Variants in PCDHGA4 observed in about 807,000 individuals in gnomAD.
The protein encoded by PCDHGA4 is protocadherin gamma-A4.
Under a neutral mutation model 54.6 loss-of-function variants are expected in PCDHGA4, and 38 were observed. The observed-to-expected ratio is 0.70, with a 90% confidence interval of 0.54 to 0.91. The LOEUF is 0.91. PCDHGA4 is among the 40% of genes least tolerant of loss of function. The probability of loss-of-function intolerance (pLI) is 0.00; values close to 1 mark genes in which losing one functional copy is unlikely to be tolerated. For missense variants in PCDHGA4, 1,298 were observed against 1,220.9 expected (o/e 1.06, Z -0.94); for synonymous variants, 511 against 512.9 (o/e 1.00, Z 0.05).
chr5:141,370,314 T>A, intron 1 of PCDHGA4: 4 of 1,280,798 alleles, frequency 3.1e-6, no homozygotes, highest in Non-Finnish European at 4.3e-6. Context: ...AGCAAATAGT[T>A]GGTCCTGCTC....
intron 1 of PCDHGA4, chr5:141,416,678 G>T (rs2096051953): frequency 6.6e-6 from 1 of 151,990 alleles, no homozygotes; most frequent in Non-Finnish European, 1.5e-5. Flanking sequence ...TGCAACGAAG[G>T]GAAATTATAT....
chr5:141,435,519 T>C (rs2097768121), intron 1 of PCDHGA4, among the ~76,000 whole-genome samples: 2 of 152,192 alleles, frequency 1.3e-5, no homozygotes, highest in South Asian at 4.1e-4. Context: ...ATGATGACTT[T>C]GTGGAATATT....
rs58019021 is a variant in PCDHGA4, at chr5:141,500,184, T to TTTTATTTATTTA, written c.2574-5178_2574-5167dup. Among the ~76,000 whole-genome samples, 232 of 135,962 alleles carry TTTTATTTATTTA rather than the reference T, an allele frequency of 1.7e-3. 1 individual carries two copies. The highest frequency in any genetic ancestry group is 6.4e-3 in the South Asian group (27 of 4,202). The allele number at this position is 135,962 out of a possible 152,430, so 89.2% of individuals were successfully genotyped here. A position where few individuals can be genotyped will look rare whatever the true frequency, so the allele number is the denominator to read the frequency against. The stretch of plus-strand genomic sequence containing the variant: ...GAACATGCATGAGCTTCATTTTTAT[T>TTTTATTTATTTA]TTTATTTATTTATTTATTTATTTAT... On this transcript the variant is annotated intron_variant, in intron 2 of 3. Transcript: ENST00000571252.
intron 1 of PCDHGA4, chr5:141,390,163 C>A: frequency 1.2e-6 from 2 of 1,613,992 alleles, no homozygotes; most frequent in South Asian, 1.1e-5. Flanking sequence ...ACAGGAAAGA[C>A]GGAGTTTAAT....
At chr5:141,360,906 G>A in intron 1 of PCDHGA4, 4 of 1,614,012 alleles carry the variant, frequency 2.5e-6, no homozygotes, top group South Asian at 1.1e-5. Context: ...ACGTGCCGCC[G>A]GGCTTCTTTG....
At chr5:141,365,565 G>C (rs140294664) in intron 1 of PCDHGA4, 1 of 1,613,720 alleles carries the variant, frequency 6.2e-7, no homozygotes, top group Non-Finnish European at 8.5e-7. Flanking sequence ...GACCTGGACA[G>C]AGAAGAGACT....
rs755429700 is a variant in PCDHGA4, at chr5:141,375,609, C to G, written c.2514+17988C>G. ...CTGTCCTCCTACGTGTCCATCAACT[C>G]CGACACTGGGATTCTGTACGCCCTG... On this transcript the variant is annotated intron_variant, in intron 1 of 3. Coordinates refer to ENST00000571252, the MANE Select transcript of PCDHGA4 (RefSeq NM_018917.4). 9.9e-6 allele frequency: 16 copies of G among 1,614,108 alleles called. No homozygotes were observed. The African/African-American group carries it at 2.1e-4, about 22-fold the overall frequency.
chr5:141,393,261 G>A lies in PCDHGA4; in HGVS notation c.2514+35640G>A, dbSNP rs567943150. 16 of 1,613,898 alleles carry A rather than the reference G, an allele frequency of 9.9e-6. 1 individual carries two copies. Among genetic ancestry groups the A allele is most frequent in the South Asian group, 1.1e-5 (1 of 91,090 alleles). ...AATTAACGAAATCGCGGTTCCTGGAGCACGTTATCCACTCCCAGAAGCTGT... is the reference window on the plus strand; with the variant it reads ...AATTAACGAAATCGCGGTTCCTGGAACACGTTATCCACTCCCAGAAGCTGT... On this transcript the variant is annotated intron_variant, in intron 1 of 3. Transcript: ENST00000571252.
chr5:141,372,118 T>C (rs937548053), intron 1 of PCDHGA4: 3 of 1,613,628 alleles, frequency 1.9e-6, no homozygotes, highest in Non-Finnish European at 2.5e-6. Context: ...TCTGCGCTCT[T>C]CGATATGGTG....
In PCDHGA4 at chr5:141,491,721, C is replaced by T. The variant is rs761584159; in HGVS notation, c.2515-3086C>T. On this transcript the variant is annotated intron_variant, in intron 1 of 3. Transcript: ENST00000571252. The surrounding 1 kb of genome is among the most constrained non-coding windows in gnomAD (Gnocchi z 6.9). The stretch of plus-strand genomic sequence containing the variant: ...GCCAGGTGAGGGGCTCGGCGCCGCC[C>T]CGGGCGACCCCTGGGGGCGGCACTG... 3 of 1,607,250 alleles carry T rather than the reference C, an allele frequency of 1.9e-6. No homozygotes were observed. Among genetic ancestry groups the T allele is most frequent in the Admixed American group, 1.7e-5 (1 of 58,860 alleles).
At position 141,356,634 on chromosome 5, in the gene PCDHGA4, C is replaced by A. The variant is rs750676193; in HGVS notation, c.1527C>A (p.Asp509Glu). 7 of 1,614,158 alleles carry A rather than the reference C, an allele frequency of 4.3e-6. No individual in the cohort carries two copies. Among genetic ancestry groups the A allele is most frequent in the Non-Finnish European group, 5.9e-6 (7 of 1,179,976 alleles). Residue 509 changes from aspartate (D) to glutamate (E), a missense_variant, in exon 1 of 4, where the codon GAC (aspartate) becomes GAA (glutamate). Physicochemically the swap from Asp to Glu is conservative, Grantham distance 45 (BLOSUM62 2). Coordinates refer to ENST00000571252, the MANE Select transcript of PCDHGA4 (RefSeq NM_018917.4). Reference sequence around the variant, plus strand: ...CCATCTTATCTATGACTGCTCAAGACCCTGACAGTGGTGACAATGCCCGAA... The same window carrying A: ...CCATCTTATCTATGACTGCTCAAGAACCTGACAGTGGTGACAATGCCCGAA... ...GASILSMTAQ[D>E]PDSGDNARIT...
At chr5:141,411,846 T>C (rs962000304) in intron 1 of PCDHGA4, 1 of 151,734 alleles carries the variant, frequency 6.6e-6, no homozygotes, top group African/African-American at 2.4e-5. Context: ...GGTGACAGAG[T>C]GAGACCCTGT....
At chr5:141,503,335 G>A (rs111643076) in intron 2 of PCDHGA4, among the ~76,000 whole-genome samples, 108 of 152,220 alleles carry the variant, frequency 7.1e-4, no homozygotes, top group African/African-American at 2.4e-3. Context: ...GGTGGCTCAC[G>A]CCTGTAATTC....
At chr5:141,418,743 A>G in intron 1 of PCDHGA4, 5 of 1,613,954 alleles carry the variant, frequency 3.1e-6, no homozygotes, top group African/African-American at 1.3e-5. Context: ...TTCTCTCTGG[A>G]TTACACTACA....
At chr5:141,371,589 A>C (rs754175637) in intron 1 of PCDHGA4, 1 of 1,613,602 alleles carries the variant, frequency 6.2e-7, no homozygotes, top group South Asian at 1.1e-5. Context: ...TCAAGATACC[A>C]AAAACACATA....
intron 1 of PCDHGA4, among the ~76,000 whole-genome samples, chr5:141,449,561 C>T (rs777459619): frequency 2.7e-4 from 39 of 147,008 alleles, no homozygotes; most frequent in Non-Finnish European, 4.6e-4. Flanking sequence ...TGCACTCCAG[C>T]CTGGGCGACA....
intron 1 of PCDHGA4, chr5:141,393,678 A>T: frequency 6.2e-7 from 1 of 1,613,904 alleles, no homozygotes; most frequent in Non-Finnish European, 8.5e-7. Context: ...TGAAAAACAA[A>T]CTCCGTTATT....
intron 1 of PCDHGA4, chr5:141,361,249 A>G: frequency 6.2e-7 from 1 of 1,614,034 alleles, no homozygotes; most frequent in Non-Finnish European, 8.5e-7. Flanking sequence ...GATAAAAACG[A>G]GAGACAGAGA....
intron 1 of PCDHGA4, among the ~76,000 whole-genome samples, chr5:141,438,633 TATACACAC>T (rs1401551511): frequency 0.055 from 1,851 of 33,458 alleles, 10 homozygotes; most frequent in African/African-American, 0.082. Flanking sequence ...TATATATATA[TATACACAC>T]ACACACACAC....
Sources: allele counts gnomAD v4.1 joint callset (sites outside exome capture counted in the v4.1 genomes callset), GRCh38; gene constraint gnomAD v4.1.1; non-coding constraint Gnocchi (gnomAD v3.1); transcripts MANE v1.5; gene names NCBI Gene and HGNC (gene_info 2026-07-23, HGNC 2026-07-21).